CROCC2: variants seen among roughly 807,000 people sequenced by gnomAD.
The protein encoded by CROCC2 is ciliary rootlet coiled-coil, rootletin family member 2, also known as ciliary rootlet coiled-coil protein 2.
Under a neutral mutation model 177.6 loss-of-function variants are expected in CROCC2, and 163 were observed. The observed-to-expected ratio is 0.92, with a 90% CI of 0.81 to 1.05. CROCC2 has a LOEUF of 1.05. Among genes scored for constraint, CROCC2 ranks in the 50% least tolerant of loss-of-function variants. The pLI is 0.00. For synonymous variants in CROCC2, 904 were observed against 787.3 expected (o/e 1.15, Z -2.48); for missense variants, 1,929 against 1,797.8 (o/e 1.07, Z -1.32).
At chr2:240,937,430 A>T (rs1452479074) in intron 14 of CROCC2, among the ~76,000 whole-genome samples, 1 of 152,206 alleles carries the variant, frequency 6.6e-6, no homozygotes, top group Non-Finnish European at 1.5e-5. Flanking sequence ...ACCTTGTCAG[A>T]TACATGTCCT....
chr2:240,989,115 G>A (rs1559194055), intron 29 of CROCC2, among the ~76,000 whole-genome samples: 2 of 152,194 alleles, frequency 1.3e-5, no homozygotes, highest in Admixed American at 1.3e-4. Context: ...CCCCATGGGA[G>A]CCAGGCCCGG....
rs780021167 is a variant in CROCC2, at chr2:240,973,607, C to T, written c.4401+5345C>T. On this transcript the variant is annotated intron_variant, in intron 27 of 31. Coordinates refer to ENST00000690015, the MANE Select transcript of CROCC2 (RefSeq NM_001351305.2). This position sits in a 1 kb window ranked among gnomAD's most constrained non-coding sequence, Gnocchi z 4.7. ...TGCAGGTCACCCGCCTGTGGGGGCTCAACTCAGCGTCAGTCACAGGTTCTA... is the reference window on the plus strand; with the variant it reads ...TGCAGGTCACCCGCCTGTGGGGGCTTAACTCAGCGTCAGTCACAGGTTCTA... 1.2e-4 allele frequency among the ~76,000 whole-genome samples: 18 copies of T among 152,212 alleles called. No homozygotes were observed. Among genetic ancestry groups the T allele is most frequent in the Admixed American group, 5.9e-4 (9 of 15,296 alleles).
At chr2:240,922,058 C>A (rs2059359993) in intron 3 of CROCC2, among the ~76,000 whole-genome samples, 1 of 152,140 alleles carries the variant, frequency 6.6e-6, no homozygotes, top group South Asian at 2.1e-4. Context: ...GGGGGCAGCC[C>A]CAGAGGTAGC....
At chr2:240,963,491 C>G in intron 20 of CROCC2, 65 bp from the exon 21 acceptor site, 1 of 1,422,716 alleles carries the variant, frequency 7.0e-7, no homozygotes, top group Non-Finnish European at 9.4e-7. Flanking sequence ...AGGCCACAGG[C>G]CCCTGTGGCT....
In CROCC2 at chr2:240,989,735, G is replaced by A. The variant is rs1013048224; in HGVS notation, c.4765G>A (p.Glu1589Lys). The A allele has an allele frequency of 1.3e-6, 2 of 1,550,408 alleles. No individual in the cohort carries two copies. Among genetic ancestry groups the A allele is most frequent in the Non-Finnish European group, 1.7e-6 (2 of 1,146,912 alleles). ...TCAGCACCAGCGGGACCTGGCCACA[G>A]AGGCAGAGCGTCTCCATGGGGCCCG... ...TAQHQRDLAT[E>K]AERLHGARPQ... The change falls in exon 30 of 32, where the codon GAG becomes AAG. Residue 1589 changes from glutamate to lysine, a missense_variant. Around this residue, in one of 3 missense-constraint regions of CROCC2, gnomAD observed 388 missense variants for 352.7 expected, o/e 1.10. Coordinates refer to ENST00000690015, the MANE Select transcript of CROCC2 (RefSeq NM_001351305.2).
At chr2:240,986,084 A>T (rs1278723150) in intron 28 of CROCC2, 3 of 392,218 alleles carry the variant, frequency 7.6e-6, no homozygotes, top group Non-Finnish European at 1.6e-5. Flanking sequence ...CCCTTTCTAC[A>T]GCATGCGTTG....
Position 240,949,512 on chromosome 2 carries a change from A to C in CROCC2, c.2483-21A>C, listed in dbSNP as rs1176098387. ...GGGTCCACATGCCAGGCCCTGGTGC[A>C]TCTCACCCATCACCCCACAGTGGAA... On this transcript the variant is annotated intron_variant, in intron 16 of 31. Coordinates refer to ENST00000690015, the MANE Select transcript of CROCC2 (RefSeq NM_001351305.2). The surrounding 1 kb of genome is among the most constrained non-coding windows in gnomAD (Gnocchi z 4.5). 2 of 1,548,368 alleles carry C rather than the reference A, an allele frequency of 1.3e-6. No homozygotes were observed. The highest frequency in any genetic ancestry group is 2.4e-5 in the East Asian group (1 of 40,842).
At chr2:240,962,069 C>CTCACAT (rs1559606655) in intron 20 of CROCC2, among the ~76,000 whole-genome samples, 4,828 of 126,002 alleles carry the variant, frequency 0.038, 266 homozygotes, top group African/African-American at 0.12. Context: ...CACACTCACA[C>CTCACAT]GCACTCACAC....
At chr2:240,969,984 C>T (rs779298168) in intron 27 of CROCC2, among the ~76,000 whole-genome samples, 4 of 152,252 alleles carry the variant, frequency 2.6e-5, no homozygotes, top group African/African-American at 7.2e-5. Context: ...CCTGCCTCAG[C>T]TTCCCAAAGT....
intron 18 of CROCC2, chr2:240,954,850 G>T (rs1346057614): frequency 6.6e-6 from 1 of 152,132 alleles, no homozygotes; most frequent in Non-Finnish European, 1.5e-5. Context: ...GGTCCCAGGG[G>T]CCCGCCAGGA....
intron 1 of CROCC2, 133 bp downstream of exon 1, chr2:240,906,724 G>T (rs1002135405): frequency 1.3e-5 from 5 of 397,228 alleles, no homozygotes; most frequent in Non-Finnish European, 2.2e-5. Context: ...ACTTGCTCAC[G>T]TGTTTGCCTT....
At chr2:240,962,947 C>A (rs371437191) in intron 20 of CROCC2, among the ~76,000 whole-genome samples, 3 of 152,332 alleles carry the variant, frequency 2.0e-5, no homozygotes, top group African/African-American at 4.8e-5. Context: ...AGACCCTCCT[C>A]CCACTGCCCC....
In CROCC2 at chr2:240,932,333, C is replaced by T. The variant is rs1385229916; in HGVS notation, c.963C>T (p.Thr321=). Residue 321 remains threonine (T), a synonymous_variant, in exon 8 of 32, where the codon ACC becomes ACT. Transcript: ENST00000690015. The part of the protein sequence containing the change: ...VALQARLSEQ[T]LLVEKLTEQN... ...CTCCTCCCAGACTCTCGGAGCAAAC[C>T]CTGCTGGTGGAGAAGCTTACAGAGC... 4.2e-6 allele frequency: 3 copies of T among 716,468 alleles called. No homozygotes were observed. Among genetic ancestry groups the T allele is most frequent in the Admixed American group, 2.0e-5 (1 of 49,970 alleles). The allele number at this position is 716,468 out of a possible 1,614,324, so 44.4% of individuals were successfully genotyped here.
In CROCC2 at chr2:240,959,559, A is replaced by G. The variant is rs1314056611; in HGVS notation, c.3087+115A>G. 3 of 1,327,220 alleles carry G rather than the reference A, an allele frequency of 2.3e-6. No homozygotes were observed. In the African/African-American group the frequency reaches 4.5e-5, roughly 20 times the overall value. 82.2% of individuals were successfully genotyped at this position (1,327,220 alleles called of 1,614,324 possible). ...GGAGGAAAGAGAGGCTGTACCACAG[A>G]GAAGGGAAGAGTAGTCCCTGGGACT... On this transcript the variant is annotated intron_variant, in intron 20 of 31. Coordinates refer to ENST00000690015, the MANE Select transcript of CROCC2 (RefSeq NM_001351305.2).
chr2:240,916,729 C>T (rs995017959), intron 1 of CROCC2, among the ~76,000 whole-genome samples: 1 of 152,198 alleles, frequency 6.6e-6, no homozygotes, highest in Non-Finnish European at 1.5e-5. Context: ...CGGGTGGCGC[C>T]GCCGATGCCC....
At chr2:240,983,093 A>G in intron 28 of CROCC2, 64 bp downstream of exon 28, 1 of 1,453,410 alleles carries the variant, frequency 6.9e-7, no homozygotes, top group Non-Finnish European at 9.3e-7. Flanking sequence ...CCTACAGGGA[A>G]GAGGCCCTGT....
intron 1 of CROCC2, among the ~76,000 whole-genome samples, chr2:240,911,500 G>A (rs2059288166): frequency 1.3e-5 from 2 of 152,016 alleles, no homozygotes; most frequent in Admixed American, 6.6e-5. Flanking sequence ...GTTTCGCCAC[G>A]GTAGCCAGGA....
chr2:240,930,906 C>T, intron 6 of CROCC2, 25 bp from the exon 7 acceptor site: 1 of 692,262 alleles, frequency 1.4e-6, no homozygotes, highest in Non-Finnish European at 2.7e-6. Flanking sequence ...CTGAGTCCGC[C>T]ACAGATGCTG....
chr2:240,961,198 A>G (rs924665052), intron 20 of CROCC2, among the ~76,000 whole-genome samples: 2 of 152,198 alleles, frequency 1.3e-5, no homozygotes, highest in African/African-American at 4.8e-5. Context: ...AGGAACTTCC[A>G]GTCTCTCAGA....
Sources: allele counts gnomAD v4.1 joint callset (sites outside exome capture counted in the v4.1 genomes callset), GRCh38; gene constraint gnomAD v4.1.1; regional missense constraint gnomAD v4.1.1; non-coding constraint Gnocchi (gnomAD v3.1); transcripts MANE v1.5; gene names NCBI Gene and HGNC (gene_info 2026-07-23, HGNC 2026-07-21).